The following SLC5A8 variants were observed in gnomAD, a reference collection of about 807,000 sequenced individuals.
SLC5A8 encodes solute carrier family 5 member 8.
SLC5A8 carries 55 observed loss-of-function variants against 71.9 expected under a neutral mutation model. That is an observed-to-expected ratio of 0.77 (90% CI 0.62 to 0.96). The LOEUF is 0.96. Ranked by LOEUF, SLC5A8 falls within the 40% of genes least tolerant of loss-of-function variation. The pLI is 0.00. For synonymous variants in SLC5A8, 307 were observed against 276.1 expected, an observed-to-expected ratio of 1.11 and a Z score of -1.11; for missense variants, 701 against 745.3, an observed-to-expected ratio of 0.94 and a Z score of 0.69.
intron 7 of SLC5A8, 110 bp downstream of exon 7, chr12:101,187,276 T>A: frequency 8.4e-7 from 1 of 1,186,734 alleles, no homozygotes; most frequent in Non-Finnish European, 1.1e-6. Flanking sequence ...AAGATGATGA[T>A]GGCATGTCCA....
intron 3 of SLC5A8, among the ~76,000 whole-genome samples, chr12:101,200,074 A>ATATG (rs1366617080): frequency 4.2e-5 from 6 of 142,088 alleles, no homozygotes; most frequent in Non-Finnish European, 9.2e-5. Context: ...CTACTGATAT[A>ATATG]TATGTAGCAG....
intron 1 of SLC5A8, 105 bp from the exon 2 acceptor site, chr12:101,204,670 GATTTGTATT>G (rs1869604625): frequency 1.4e-6 from 1 of 702,994 alleles, no homozygotes; most frequent in Non-Finnish European, 2.4e-6. Flanking sequence ...CTTCATAACT[GATTTGTATT>G]CTGTATTTTT....
At chr12:101,195,777 A>G (rs553988363) in intron 3 of SLC5A8, among the ~76,000 whole-genome samples, 1 of 144,496 alleles carries the variant, frequency 6.9e-6, no homozygotes, top group Non-Finnish European at 1.5e-5. Context: ...GCTCACTGCA[A>G]TCTCCACCTC....
At chr12:101,173,084 G>A (rs546271745) in intron 10 of SLC5A8, among the ~76,000 whole-genome samples, 6 of 152,186 alleles carry the variant, frequency 3.9e-5, no homozygotes, top group South Asian at 4.1e-4. Context: ...CCACTGCAGC[G>A]GACTGCAGGG....
chr12:101,159,774 A>G (rs1001249738), intron 13 of SLC5A8, among the ~76,000 whole-genome samples: 10 of 152,246 alleles, frequency 6.6e-5, no homozygotes, highest in Admixed American at 6.5e-4. Context: ...CTGATACTCC[A>G]CTTTCTTTTA....
chr12:101,157,791 A>G (rs1306620021), intron 14 of SLC5A8, among the ~76,000 whole-genome samples: 1 of 152,216 alleles, frequency 6.6e-6, no homozygotes, highest in African/African-American at 2.4e-5. Context: ...ATCAGAGGAT[A>G]GACAGATATA....
At chr12:101,202,031 GC>G (rs1869475276) in intron 3 of SLC5A8, 132 bp downstream of exon 3, 1 of 861,862 alleles carries the variant, frequency 1.2e-6, no homozygotes, top group Admixed American at 2.2e-5. Context: ...AACCCATCCT[GC>G]CCCGCTAAGT....
chr12:101,160,137 G>A lies in SLC5A8; in HGVS notation c.1631-1809C>T, dbSNP rs188161479. Among the ~76,000 whole-genome samples the A allele has an allele frequency of 5.3e-3, 804 of 152,202 alleles. 8 individuals carry two copies. The highest frequency in any genetic ancestry group is 0.017 in the African/African-American group (713 of 41,526). On this transcript the variant is annotated intron_variant, in intron 13 of 14. Transcript: ENST00000536262. ...GCAGAGGTTACAGTGAGCCAAGATC[G>A]CACCACTGTACTCCAGCCTGGGCAA...
intron 10 of SLC5A8, among the ~76,000 whole-genome samples, chr12:101,178,467 G>A (rs2051901374): frequency 6.6e-6 from 1 of 152,102 alleles, no homozygotes. Flanking sequence ...CAGAAGTACA[G>A]ACACATAAAT....
chr12:101,204,730 C>G (rs914915374), intron 1 of SLC5A8, among the ~76,000 whole-genome samples, 165 bp from the exon 2 acceptor site: 1 of 152,106 alleles, frequency 6.6e-6, no homozygotes, highest in African/African-American at 2.4e-5. Context: ...AAAATTGACT[C>G]TTTTGTTTTA....
At chr12:101,173,235 C>T (rs2051847868) in intron 10 of SLC5A8, among the ~76,000 whole-genome samples, 1 of 152,174 alleles carries the variant, frequency 6.6e-6, no homozygotes, top group Non-Finnish European at 1.5e-5. Context: ...AAAGCACTTC[C>T]TCTCAGGTAC....
intron 7 of SLC5A8, 53 bp downstream of exon 7, chr12:101,187,333 A>G: frequency 6.4e-7 from 1 of 1,554,310 alleles, no homozygotes; most frequent in Non-Finnish European, 8.7e-7. Context: ...CTCTCAACTA[A>G]TAAGCTTTTT....
chr12:101,204,697 T>C, intron 1 of SLC5A8, 132 bp from the exon 2 acceptor site: 1 of 646,284 alleles, frequency 1.5e-6, no homozygotes, highest in Non-Finnish European at 2.6e-6. Context: ...TTTATTTTAG[T>C]GTTATTTTTA....
chr12:101,203,278 A>G, intron 2 of SLC5A8, among the ~76,000 whole-genome samples: 1 of 152,258 alleles, frequency 6.6e-6, no homozygotes, highest in East Asian at 1.9e-4. Flanking sequence ...TTGCAAAGAT[A>G]TAAAATGGAG....
chr12:101,161,627 G>A (rs775570271), intron 13 of SLC5A8, among the ~76,000 whole-genome samples: 46 of 152,172 alleles, frequency 3.0e-4, no homozygotes, highest in Non-Finnish European at 6.2e-4. Context: ...CATCATAGCA[G>A]TTATGAAGTT....
intron 14 of SLC5A8, 95 bp downstream of exon 14, chr12:101,158,154 A>G (rs1182193946): frequency 1.1e-6 from 1 of 878,582 alleles, no homozygotes; most frequent in African/African-American, 1.7e-5. Flanking sequence ...TTCCTTGTCC[A>G]TCACTTTTCA....
intron 4 of SLC5A8, among the ~76,000 whole-genome samples, chr12:101,194,313 A>G (rs1869063613): frequency 6.6e-6 from 1 of 152,206 alleles, no homozygotes; most frequent in Non-Finnish European, 1.5e-5. Flanking sequence ...ATCTTCTACA[A>G]GATCCAGCAC....
chr12:101,193,360 A>G (rs1869004682), intron 5 of SLC5A8, among the ~76,000 whole-genome samples: 1 of 152,162 alleles, frequency 6.6e-6, no homozygotes, highest in Non-Finnish European at 1.5e-5. Flanking sequence ...AATACCTGGA[A>G]GAAAATACTT....
At chr12:101,166,164 G>C (rs896885637) in intron 12 of SLC5A8, among the ~76,000 whole-genome samples, 5 of 152,158 alleles carry the variant, frequency 3.3e-5, no homozygotes, top group African/African-American at 1.2e-4. Flanking sequence ...CTATAATTGT[G>C]CTTTCCATTT....
Sources: allele counts gnomAD v4.1 joint callset (sites outside exome capture counted in the v4.1 genomes callset), GRCh38; gene constraint gnomAD v4.1.1; transcripts MANE v1.5; gene names NCBI Gene and HGNC (gene_info 2026-07-23, HGNC 2026-07-21).